Variants in DLGAP1 observed in about 807,000 individuals in gnomAD.
DLGAP1 encodes disks large-associated protein 1.
DLGAP1 carries 11 observed loss-of-function variants against 90.8 expected under a neutral mutation model. The ratio of observed to expected loss-of-function variants is 0.12; its 90% CI spans 0.08 to 0.20. DLGAP1 has a LOEUF of 0.20. Among genes scored for constraint, DLGAP1 ranks in the 10% least tolerant of loss-of-function variants. The pLI is 1.00. For missense variants in DLGAP1, 1,050 were observed against 1,333.8 expected, an observed-to-expected ratio of 0.79 and a Z score of 3.31; for synonymous variants, 558 against 540.7, an observed-to-expected ratio of 1.03 and a Z score of -0.44.
At chr18:3,898,415 T>A (rs2071702950) in intron 3 of DLGAP1, among the ~76,000 whole-genome samples, 1 of 152,224 alleles carries the variant, frequency 6.6e-6, no homozygotes, top group East Asian at 1.9e-4. Context: ...TCTTATTATC[T>A]TCATTTCCCA....
At chr18:3,682,955 C>A (rs1441967289) in intron 7 of DLGAP1, among the ~76,000 whole-genome samples, 2 of 151,686 alleles carry the variant, frequency 1.3e-5, no homozygotes, top group East Asian at 3.9e-4. Flanking sequence ...CCTCCCAGTT[C>A]AAGCAATTCT....
At chr18:4,276,437 A>G (rs2079416750) in intron 1 of DLGAP1, among the ~76,000 whole-genome samples, 1 of 151,916 alleles carries the variant, frequency 6.6e-6, no homozygotes, top group Non-Finnish European at 1.5e-5. Flanking sequence ...GGAGCTCAAG[A>G]CCAGCCTGGC....
intron 9 of DLGAP1, among the ~76,000 whole-genome samples, chr18:3,561,268 A>G (rs1343671329): frequency 1.3e-5 from 1 of 78,208 alleles, no homozygotes; most frequent in Non-Finnish European, 2.1e-5. Flanking sequence ...AAAAAAAACA[A>G]AAAAAAAAAA....
chr18:4,017,132 TC>T (rs1390247601), intron 2 of DLGAP1, among the ~76,000 whole-genome samples: 1 of 152,218 alleles, frequency 6.6e-6, no homozygotes, highest in Admixed American at 6.5e-5. Flanking sequence ...AGTTATGTGT[TC>T]TTAGAACAGG....
At chr18:4,032,583 A>G (rs139537935) in intron 2 of DLGAP1, among the ~76,000 whole-genome samples, 37 of 149,966 alleles carry the variant, frequency 2.5e-4, no homozygotes, top group African/African-American at 8.9e-4. Context: ...AGACAGAAAC[A>G]GCTAAATCAA....
chr18:3,505,995 G>A (rs1174884762), intron 11 of DLGAP1, among the ~76,000 whole-genome samples: 3 of 152,070 alleles, frequency 2.0e-5, no homozygotes, highest in African/African-American at 7.2e-5. Context: ...CCAACACTTT[G>A]GGAGGCCGAG....
chr18:3,787,557 G>A lies in DLGAP1; in HGVS notation c.1172+26502C>T, dbSNP rs529024195. Among the ~76,000 whole-genome samples the A allele has an allele frequency of 4.1e-5, 6 of 147,612 alleles. No homozygotes were observed. The East Asian group carries it at 6.0e-4, about 15-fold the overall frequency. ...AACTTCTATTAATATGAATTTCCTC[G>A]TGACTTCACTGTGGTTTGTATTATT... On this transcript the variant is annotated intron_variant, in intron 5 of 12. Transcript: ENST00000315677.
intron 5 of DLGAP1, among the ~76,000 whole-genome samples, chr18:3,763,937 C>G (rs922949440): frequency 6.6e-6 from 1 of 152,198 alleles, no homozygotes; most frequent in Non-Finnish European, 1.5e-5. Context: ...GCTGGGATTA[C>G]AGGCGTGCAG....
Position 3,958,136 on chromosome 18 carries a change from C to T in DLGAP1, c.-73+46980G>A, listed in dbSNP as rs144189811. Among the ~76,000 whole-genome samples, 207 of 152,086 alleles carry T rather than the reference C, an allele frequency of 1.4e-3. 2 individuals carry two copies. The highest frequency in any genetic ancestry group is 0.011 in the Admixed American group (164 of 15,284). On this transcript the variant is annotated intron_variant, in intron 3 of 12. Coordinates refer to ENST00000315677, the MANE Select transcript of DLGAP1 (RefSeq NM_004746.4). The stretch of plus-strand genomic sequence containing the variant: ...CTCGAACTCCTGACCTCAGGTGGTT[C>T]GAAGTGGGCAGATCTGCCCGCCTCG...
At chr18:4,100,200 T>C (rs747085966) in intron 2 of DLGAP1, among the ~76,000 whole-genome samples, 1 of 152,166 alleles carries the variant, frequency 6.6e-6, no homozygotes, top group Non-Finnish European at 1.5e-5. Flanking sequence ...TCTTAAATAA[T>C]AAGACTTGGA....
chr18:3,879,573 C>T lies in DLGAP1; in HGVS notation c.496G>A (p.Gly166Ser), dbSNP rs781210541. ...EGPSKGSVNG[G>S]KASPDEAQAA... The stretch of plus-strand genomic sequence containing the variant: ...TGCGCCTCGTCAGGGCTGGCCTTGC[C>T]CCCGTTGACGCTGCCCTTGGACGGC... Residue 166 changes from glycine to serine, a missense_variant, in exon 4 of 13, where the codon GGC becomes AGC. This residue lies in a region of DLGAP1 where 485 missense variants were observed against 454.1 expected (regional missense o/e 1.07). Coordinates refer to ENST00000315677, the MANE Select transcript of DLGAP1 (RefSeq NM_004746.4). The surrounding 1 kb of genome is among the most constrained non-coding windows in gnomAD (Gnocchi z 6.6). The T allele has an allele frequency of 2.5e-5, 40 of 1,599,290 alleles. No individual in the cohort carries two copies. The highest frequency in any genetic ancestry group is 3.2e-5 in the Non-Finnish European group (38 of 1,177,328).
chr18:4,340,030 C>G (rs1002488330), intron 1 of DLGAP1, among the ~76,000 whole-genome samples: 1 of 152,136 alleles, frequency 6.6e-6, no homozygotes, highest in South Asian at 2.1e-4. Context: ...AGACCCCCAG[C>G]TGATGCCTGA....
chr18:3,509,429 G>A (rs994532598), intron 10 of DLGAP1, among the ~76,000 whole-genome samples: 8 of 152,194 alleles, frequency 5.3e-5, no homozygotes, highest in Non-Finnish European at 1.2e-4. Context: ...GCTGCCTGCA[G>A]GCGTGCTCAG....
chr18:4,142,451 C>T (rs537623573), intron 2 of DLGAP1, among the ~76,000 whole-genome samples: 2 of 152,184 alleles, frequency 1.3e-5, no homozygotes, highest in Non-Finnish European at 2.9e-5. Flanking sequence ...GAGACAGCCT[C>T]ATCTGTAAGA....
In DLGAP1 at chr18:3,654,010, A is replaced by C. The variant is rs2059399508; in HGVS notation, c.1592-71762T>G. Reference sequence around the variant, plus strand: ...AGTTCCACGTTTCAGATGCACTGAGAATGCATGCATGGAACACACGTCCCC... The same window carrying C: ...AGTTCCACGTTTCAGATGCACTGAGCATGCATGCATGGAACACACGTCCCC... On this transcript the variant is annotated intron_variant, in intron 7 of 12. Coordinates refer to ENST00000315677, the MANE Select transcript of DLGAP1 (RefSeq NM_004746.4). 3 of 152,266 alleles carry C rather than the reference A, an allele frequency of 2.0e-5. No homozygotes were observed. The South Asian group carries it at 6.2e-4, about 32-fold the overall frequency. The allele number at this position is 152,266 out of a possible 1,614,324, so 9.4% of individuals were successfully genotyped here.
At chr18:3,931,494 C>T (rs558731789) in intron 3 of DLGAP1, among the ~76,000 whole-genome samples, 1 of 152,262 alleles carries the variant, frequency 6.6e-6, no homozygotes, top group African/African-American at 2.4e-5. Context: ...TTTGTTAAAT[C>T]TAGATTCCTG....
chr18:3,592,843 C>CAAAAAA (rs56871583), intron 7 of DLGAP1, among the ~76,000 whole-genome samples: 2 of 42,578 alleles, frequency 4.7e-5, no homozygotes, highest in Admixed American at 3.6e-4. Flanking sequence ...GACCCTGCCT[C>CAAAAAA]AAAAAAAAAA....
intron 7 of DLGAP1, among the ~76,000 whole-genome samples, chr18:3,644,948 TA>T (rs5822767): frequency 0.019 from 2,905 of 152,166 alleles, 89 homozygotes; most frequent in African/African-American, 0.067. Flanking sequence ...ATCCTTTGGG[TA>T]AAAAAGGGGA....
chr18:4,104,084 T>G (rs1037709847), intron 2 of DLGAP1, among the ~76,000 whole-genome samples: 7 of 152,240 alleles, frequency 4.6e-5, no homozygotes, highest in Admixed American at 2.6e-4. Context: ...TAATTTCTAT[T>G]TCTAGTTAAG....
Sources: gnomAD v4.1 joint callset for allele counts (sites outside exome capture counted in the v4.1 genomes callset) on GRCh38, gnomAD v4.1.1 for gene constraint, gnomAD v4.1.1 regional missense constraint, Gnocchi (gnomAD v3.1) non-coding constraint, MANE v1.5 for transcripts, NCBI Gene and HGNC (gene_info 2026-07-23, HGNC 2026-07-21) for gene names.